The following SOD2 variants were observed in gnomAD, a reference collection of about 807,000 sequenced individuals.
The protein encoded by SOD2 is superoxide dismutase 2.
A neutral mutation model predicts 27.0 loss-of-function variants in SOD2; 11 were observed. The observed-to-expected ratio is 0.41, with a 90% confidence interval of 0.26 to 0.67. The LOEUF (loss-of-function observed/expected upper bound fraction) is 0.67. SOD2 is among the 30% of genes least tolerant of loss of function. The probability of loss-of-function intolerance (pLI) is 0.34; values close to 1 mark genes in which losing one functional copy is unlikely to be tolerated. For missense variants in SOD2, 250 were observed against 274.5 expected (o/e 0.91, Z 0.63); for synonymous variants, 105 against 103.0 (o/e 1.02, Z -0.12).
intron 1 of SOD2, among the ~76,000 whole-genome samples, chr6:159,758,635 A>C (rs553944405): frequency 4.1e-4 from 63 of 152,264 alleles, no homozygotes; most frequent in African/African-American, 1.5e-3. Context: ...ATCCCAGGTA[A>C]TGTCATTAAC....
At chr6:159,687,417 G>A (rs1028205543) in intron 3 of SOD2, among the ~76,000 whole-genome samples, 10 of 152,000 alleles carry the variant, frequency 6.6e-5, no homozygotes, top group Admixed American at 2.6e-4. Context: ...CCTGAAAGGC[G>A]GAGGTTGCAA....
intron 2 of SOD2, 104 bp from the exon 3 acceptor site, chr6:159,688,346 C>T (rs771038715): frequency 1.3e-5 from 9 of 713,610 alleles, no homozygotes; most frequent in South Asian, 5.0e-5. Context: ...ATGGGACCAG[C>T]TTATCTATAA....
At chr6:159,749,223 A>G (rs1779733393), upstream of SOD2, 1 of 985,846 alleles carries the variant, frequency 1.0e-6, no homozygotes, top group Non-Finnish European at 1.2e-6. Flanking sequence ...TTTCACAACT[A>G]GATTGTATAA....
intron 1 of SOD2, among the ~76,000 whole-genome samples, chr6:159,751,800 G>T (rs1399358780): frequency 1.3e-5 from 2 of 152,178 alleles, no homozygotes; most frequent in East Asian, 3.8e-4. Flanking sequence ...GGTGGCTCAT[G>T]CCTGTAATCC....
At chr6:159,694,783 T>C (rs1375606638), upstream of SOD2, among the ~76,000 whole-genome samples, 2 of 151,488 alleles carry the variant, frequency 1.3e-5, no homozygotes, top group East Asian at 1.9e-4. Flanking sequence ...TTTGTATTTT[T>C]GGTAGAGACG....
In SOD2 at chr6:159,679,096, G is replaced by A. The variant is rs1178279178; in HGVS notation, c.*3397C>T. On this transcript the variant is annotated 3_prime_UTR_variant, in exon 5 of 5. Transcript: ENST00000538183. The stretch of plus-strand genomic sequence containing the variant: ...ATAGGATTTTTAAAGTTTTTGACAT[G>A]CAAGCATAATGCAGACCTCTTTGAT... The A allele has an allele frequency of 6.6e-6, 1 of 152,166 alleles. No homozygotes were observed. The highest frequency in any genetic ancestry group is 1.5e-5 in the Non-Finnish European group (1 of 68,030). The allele number at this position is 152,166 out of a possible 1,614,324, so 9.4% of individuals were successfully genotyped here.
chr6:159,693,016 G>T, intron 1 of SOD2, 129 bp downstream of exon 1: 1 of 1,414,682 alleles, frequency 7.1e-7, no homozygotes, highest in South Asian at 1.4e-5. Context: ...GGCACTCCCG[G>T]GAGAACCGCC....
At chr6:159,712,027 CA>C (rs878950270) in intron 1 of SOD2, among the ~76,000 whole-genome samples, 1 of 38,494 alleles carries the variant, frequency 2.6e-5, no homozygotes, top group Admixed American at 2.7e-4. Flanking sequence ...CCACCACTCA[CA>C]CTGCTCAGAC....
intron 2 of SOD2, among the ~76,000 whole-genome samples, chr6:159,689,186 C>T (rs73802622): frequency 0.018 from 2,774 of 152,330 alleles, 54 homozygotes; most frequent in Middle Eastern, 0.048. Flanking sequence ...ACATGACCAA[C>T]TTGGATGTTC....
Position 159,679,159 on chromosome 6 carries a change from C to A in SOD2, c.*3334G>T, listed in dbSNP as rs754667865. The A allele has an allele frequency of 1.3e-5, 2 of 152,178 alleles. No homozygotes were observed. The highest frequency in any genetic ancestry group is 2.9e-5 in the Non-Finnish European group (2 of 68,036). 9.4% of individuals were successfully genotyped at this position (152,178 alleles called of 1,614,324 possible). A position where few individuals can be genotyped will look rare whatever the true frequency, so the allele number is the denominator to read the frequency against. ...CTTTTATTAACAGTCAAAAACTTCA[C>A]ACAATTGGAAAATAAATGTTTCTTC... On this transcript the variant is annotated 3_prime_UTR_variant, in exon 5 of 5. Transcript: ENST00000538183.
chr6:159,723,251 G>A (rs988730366), intron 1 of SOD2, among the ~76,000 whole-genome samples: 1 of 152,124 alleles, frequency 6.6e-6, no homozygotes, highest in Non-Finnish European at 1.5e-5. Flanking sequence ...TTTGACAAAC[G>A]TATACATTCC....
At chr6:159,725,171 G>C (rs1340850711) in intron 1 of SOD2, among the ~76,000 whole-genome samples, 1 of 152,084 alleles carries the variant, frequency 6.6e-6, no homozygotes, top group African/African-American at 2.4e-5. Flanking sequence ...TACACTACTA[G>C]AGTACTGTGT....
rs1777761020 is a variant in SOD2 at position 159,711,438 on chromosome 6, CATA to C, written c.-116+15688_-116+15690del. 4.1e-5 allele frequency among the ~76,000 whole-genome samples: 2 copies of C among 49,236 alleles called. 1 individual carries two copies. Among genetic ancestry groups the C allele is most frequent in the Non-Finnish European group, 8.9e-5 (2 of 22,436 alleles). 32.3% of individuals were successfully genotyped at this position (49,236 alleles called of 152,430 possible). ...TTGCTCTGATCACCATAACCACCTC[CATA>C]ACCACCACTCACATTGCTCTGATCA... On this transcript the variant is annotated intron_variant, in intron 1 of 2. Coordinates refer to the SOD2 transcript ENST00000401980.
At chr6:159,707,443 C>T (rs1256717046) in intron 1 of SOD2, among the ~76,000 whole-genome samples, 11 of 152,128 alleles carry the variant, frequency 7.2e-5, no homozygotes, top group South Asian at 4.2e-4. Flanking sequence ...ATATCACCAC[C>T]GATCCCACAG....
chr6:159,729,566 T>G (rs569286782), upstream of SOD2, among the ~76,000 whole-genome samples: 1 of 138,026 alleles, frequency 7.2e-6, no homozygotes, highest in Non-Finnish European at 1.5e-5. Context: ...ATGTTCATAT[T>G]TTATTTGAAA....
chr6:159,692,398 T>G (rs1279527580), intron 2 of SOD2: 1 of 1,371,582 alleles, frequency 7.3e-7, no homozygotes, highest in Non-Finnish European at 9.5e-7. Context: ...TAACGGAATG[T>G]GGCTCACAAC....
intron 1 of SOD2, among the ~76,000 whole-genome samples, chr6:159,704,385 G>C (rs780464334): frequency 4.6e-5 from 7 of 152,208 alleles, no homozygotes; most frequent in Non-Finnish European, 1.5e-5. Context: ...GCCAAGCAAA[G>C]CTGTGACAGA....
chr6:159,690,517 C>T (rs934442084), intron 2 of SOD2, among the ~76,000 whole-genome samples: 18 of 152,116 alleles, frequency 1.2e-4, no homozygotes, highest in South Asian at 6.2e-4. Context: ...AGTTGTTTAG[C>T]GATTCAGAAA....
chr6:159,736,909 T>C (rs865776201), intron 1 of SOD2, among the ~76,000 whole-genome samples: 6 of 152,214 alleles, frequency 3.9e-5, no homozygotes, highest in South Asian at 2.1e-4. Flanking sequence ...TTGGGAAAGC[T>C]TACTAAACTT....
Sources: allele counts gnomAD v4.1 joint callset (sites outside exome capture counted in the v4.1 genomes callset), GRCh38; gene constraint gnomAD v4.1.1; transcripts MANE v1.5; gene names NCBI Gene and HGNC (gene_info 2026-07-23, HGNC 2026-07-21).